The following ELOVL4 variants were observed in gnomAD, a reference collection of about 807,000 sequenced individuals.
The protein encoded by ELOVL4 is ELOVL fatty acid elongase 4.
Under a neutral mutation model 42.1 loss-of-function variants are expected in ELOVL4, and 18 were observed. The observed-to-expected ratio is 0.43, with a 90% CI of 0.30 to 0.63. The LOEUF (loss-of-function observed/expected upper bound fraction) is 0.63, where lower values mean the gene tolerates loss of function less well. Among genes scored for constraint, ELOVL4 ranks in the 30% least tolerant of loss-of-function variants. The pLI is 0.15. For missense variants in ELOVL4, 299 were observed against 376.2 expected, an observed-to-expected ratio of 0.79 and a Z score of 1.70; for synonymous variants, 117 against 127.0, an observed-to-expected ratio of 0.92 and a Z score of 0.53.
chr6:79,941,038 T>C (rs1774636565), intron 1 of ELOVL4, among the ~76,000 whole-genome samples: 1 of 152,222 alleles, frequency 6.6e-6, no homozygotes. Context: ...ATTTGTACTA[T>C]TTAGGCAGTG....
rs115471124 is a variant in ELOVL4 at position 79,920,669 on chromosome 6, T to G, written c.541+956A>C. Among the ~76,000 whole-genome samples the G allele has an allele frequency of 4.8e-3, 729 of 152,314 alleles. 4 individuals carry two copies. The highest frequency in any genetic ancestry group is 0.016 in the African/African-American group (652 of 41,564). ...ATAATTTTATGCATTAAACAAAGTT[T>G]GTGTACTCTGAACATCAGAAAGCAA... On this transcript the variant is annotated intron_variant, in intron 4 of 5. Coordinates refer to ENST00000369816, the MANE Select transcript of ELOVL4 (RefSeq NM_022726.4).
At chr6:79,942,528 T>A (rs1448151862) in intron 1 of ELOVL4, among the ~76,000 whole-genome samples, 1 of 152,188 alleles carries the variant, frequency 6.6e-6, no homozygotes, top group Non-Finnish European at 1.5e-5. Context: ...ACAGGTGACA[T>A]TATCCACAGG....
At chr6:79,923,282 G>C (rs193223871) in intron 3 of ELOVL4, among the ~76,000 whole-genome samples, 2 of 152,126 alleles carry the variant, frequency 1.3e-5, no homozygotes, top group Non-Finnish European at 1.5e-5. Context: ...AAGAGAGCAC[G>C]AGGAAGATTT....
intron 5 of ELOVL4, 113 bp from the exon 6 acceptor site, chr6:79,916,996 A>G: frequency 8.3e-7 from 1 of 1,199,148 alleles, no homozygotes; most frequent in East Asian, 2.5e-5. Context: ...CACACTGTGC[A>G]AAATTTATTG....
intron 1 of ELOVL4, among the ~76,000 whole-genome samples, chr6:79,946,087 G>A (rs1774735432): frequency 6.6e-6 from 1 of 152,124 alleles, no homozygotes; most frequent in African/African-American, 2.4e-5. Flanking sequence ...AAAAACTACA[G>A]GAGTACATTT....
intron 1 of ELOVL4, among the ~76,000 whole-genome samples, chr6:79,932,040 G>T (rs1441254234): frequency 6.6e-6 from 1 of 152,162 alleles, no homozygotes; most frequent in Non-Finnish European, 1.5e-5. Context: ...GACCCTTAAA[G>T]AGTTAATAAA....
intron 1 of ELOVL4, among the ~76,000 whole-genome samples, chr6:79,941,770 A>G (rs1774649031): frequency 6.6e-6 from 1 of 152,240 alleles, no homozygotes; most frequent in African/African-American, 2.4e-5. Context: ...CAACCACAAT[A>G]TATCATGATT....
intron 1 of ELOVL4, among the ~76,000 whole-genome samples, chr6:79,943,934 T>A (rs1446819006): frequency 6.6e-6 from 1 of 150,972 alleles, no homozygotes; most frequent in Non-Finnish European, 1.5e-5. Context: ...CAGGGTACTA[T>A]ATCTGCGAAA....
At chr6:79,925,839 C>G (rs1331712953) in intron 2 of ELOVL4, among the ~76,000 whole-genome samples, 1 of 152,088 alleles carries the variant, frequency 6.6e-6, no homozygotes, top group Admixed American at 6.5e-5. Context: ...GTGCTTAATA[C>G]GTGCCAAACA....
In ELOVL4 at chr6:79,921,799, G is replaced by A. The variant is rs1487343185; in HGVS notation, c.370-3C>T. 1 of 1,613,822 alleles carries A rather than the reference G, an allele frequency of 6.2e-7. No homozygotes were observed. Among genetic ancestry groups the A allele is most frequent in the Non-Finnish European group, 8.5e-7 (1 of 1,179,846 alleles). On this transcript the variant is annotated splice_polypyrimidine_tract_variant and splice_region_variant and intron_variant, in intron 3 of 5. Transcript: ENST00000369816. ...TACCACCACAGAGCAGCAGCTATCT[G>A]TAAAAAGGGAAAGCGTGTTATAAAC...
At chr6:79,917,936 T>C (rs1341531424) in intron 5 of ELOVL4, among the ~76,000 whole-genome samples, 2 of 152,180 alleles carry the variant, frequency 1.3e-5, no homozygotes, top group Non-Finnish European at 2.9e-5. Context: ...CAAAGTGAGA[T>C]GATTAAAATG....
At chr6:79,939,194 G>A (rs1242661810) in intron 1 of ELOVL4, among the ~76,000 whole-genome samples, 2 of 152,024 alleles carry the variant, frequency 1.3e-5, no homozygotes, top group Non-Finnish European at 2.9e-5. Context: ...AAAAAATAAA[G>A]AAGAATTGAC....
Position 79,915,904 on chromosome 6 carries a change from T to C in ELOVL4, c.*704A>G, listed in dbSNP as rs1774151250. 1 of 152,646 alleles carries C rather than the reference T, an allele frequency of 6.6e-6. No individual in the cohort carries two copies. The highest frequency in any genetic ancestry group is 2.4e-5 in the African/African-American group (1 of 41,460). 9.5% of individuals were successfully genotyped at this position (152,646 alleles called of 1,614,324 possible). On this transcript the variant is annotated 3_prime_UTR_variant, in exon 6 of 6. Transcript: ENST00000369816. Reference sequence around the variant, plus strand: ...GGAGTATTCAAATGCTGCCTTTTCATCACAAAAAATTGTTTCCCCACAGTG... The same window carrying C: ...GGAGTATTCAAATGCTGCCTTTTCACCACAAAAAATTGTTTCCCCACAGTG...
chr6:79,929,176 C>T (rs1420687943), intron 1 of ELOVL4, among the ~76,000 whole-genome samples: 2 of 78,544 alleles, frequency 2.5e-5, no homozygotes, highest in South Asian at 5.0e-4. Flanking sequence ...GGGAGGGGGG[C>T]GGGTGGGCAT....
Position 79,926,203 on chromosome 6 carries a change from G to A in ELOVL4, c.279C>T (p.Ile93=), listed in dbSNP as rs1477917919. ...NFGMVLLNLF[I]FRELFMGSYN... is the part of the protein sequence containing the mutation. ...GATCTTAAAAACATACCTCTCTGAA[G>A]ATAAAGAGGTTAAGCAAAACCATCC... is the stretch of plus-strand genomic sequence containing the variant. Residue 93 remains isoleucine, a synonymous_variant, in exon 2 of 6, where the codon ATC becomes ATT. Transcript: ENST00000369816. 9 of 1,611,574 alleles carry A rather than the reference G, an allele frequency of 5.6e-6. No homozygotes were observed. The highest frequency in any genetic ancestry group is 7.6e-6 in the Non-Finnish European group (9 of 1,177,968).
At chr6:79,936,326 C>T (rs1204716678) in intron 1 of ELOVL4, among the ~76,000 whole-genome samples, 5 of 152,042 alleles carry the variant, frequency 3.3e-5, no homozygotes, top group African/African-American at 7.3e-5. Flanking sequence ...TTTTTTTAAA[C>T]ATCTGGCTAC....
chr6:79,921,769 C>T lies in ELOVL4; in HGVS notation c.397G>A (p.Val133Ile). 2.5e-6 allele frequency: 4 copies of T among 1,613,990 alleles called. No homozygotes were observed. Among genetic ancestry groups the T allele is most frequent in the Non-Finnish European group, 2.5e-6 (3 of 1,179,976 alleles). Residue 133 changes from valine (V) to isoleucine (I), a missense_variant, in exon 4 of 6, where the codon GTA (valine) becomes ATA (isoleucine). By Grantham distance (29) the Val-to-Ile change is conservative (BLOSUM62 3). Transcript: ENST00000369816. Reference sequence around the variant, plus strand: ...TCCAAATACTCAACTCCTTTAGATACAAAGTACCACCACAGAGCAGCAGCT... The same window carrying T: ...TCCAAATACTCAACTCCTTTAGATATAAAGTACCACCACAGAGCAGCAGCT... ...RIAAALWWYF[V>I]SKGVEYLDTV...
intron 1 of ELOVL4, among the ~76,000 whole-genome samples, chr6:79,940,340 TG>T (rs1313535558): frequency 6.6e-6 from 1 of 152,210 alleles, no homozygotes; most frequent in Non-Finnish European, 1.5e-5. Context: ...TAATATTTCA[TG>T]AAGAAAAATA....
chr6:79,934,320 G>A (rs117939799), intron 1 of ELOVL4, among the ~76,000 whole-genome samples: 1,546 of 152,200 alleles, frequency 0.01, 25 homozygotes, highest in Non-Finnish European at 0.014. Flanking sequence ...CACAAAGACC[G>A]AGAAATTTCC....
Sources: gnomAD v4.1 joint callset for allele counts (sites outside exome capture counted in the v4.1 genomes callset) on GRCh38, gnomAD v4.1.1 for gene constraint, MANE v1.5 for transcripts, NCBI Gene and HGNC (gene_info 2026-07-23, HGNC 2026-07-21) for gene names.